TPO: variants seen among roughly 807,000 people sequenced by gnomAD.
TPO encodes the protein thyroid microsomal antigen.
A neutral mutation model predicts 96.9 loss-of-function variants in TPO; 78 were observed. That is an observed-to-expected ratio of 0.81 (90% CI 0.67 to 0.97). The LOEUF (loss-of-function observed/expected upper bound fraction) is 0.97, where lower values mean the gene tolerates loss of function less well. Ranked by LOEUF, TPO falls within the 50% of genes least tolerant of loss-of-function variation. TPO has a pLI of 0.00. For missense variants in TPO, 1,252 were observed against 1,274.8 expected (o/e 0.98, Z 0.27); for synonymous variants, 547 against 538.0 (o/e 1.02, Z -0.23).
intron 2 of TPO, among the ~76,000 whole-genome samples, chr2:1,420,562 C>T (rs1346874308): frequency 6.6e-6 from 1 of 152,128 alleles, no homozygotes; most frequent in Non-Finnish European, 1.5e-5. Context: ...TTGTGCGTTA[C>T]CTCCACAGCT....
At chr2:1,427,415 C>T (rs946629166) in intron 3 of TPO, among the ~76,000 whole-genome samples, 5 of 152,212 alleles carry the variant, frequency 3.3e-5, no homozygotes, top group Non-Finnish European at 7.3e-5. Context: ...GTGAGGGAGG[C>T]AGGCATTGTG....
At chr2:1,406,263 T>C (rs1662248809) in intron 1 of TPO, among the ~76,000 whole-genome samples, 1 of 152,260 alleles carries the variant, frequency 6.6e-6, no homozygotes, top group Non-Finnish European at 1.5e-5. Flanking sequence ...CATTCTAATG[T>C]GTATAGATGC....
chr2:1,503,656 A>G (rs1202232792), intron 13 of TPO: 3 of 573,374 alleles, frequency 5.2e-6, no homozygotes, highest in East Asian at 3.7e-5. Flanking sequence ...CCACATTCCC[A>G]GGCAGACCCT....
intron 5 of TPO, among the ~76,000 whole-genome samples, chr2:1,443,602 C>T (rs1452008312): frequency 5.2e-5 from 7 of 134,640 alleles, no homozygotes; most frequent in Non-Finnish European, 6.2e-5. Flanking sequence ...CCAGTCATTG[C>T]TGCAGGAGGT....
chr2:1,526,323 C>T (rs1316269844), intron 15 of TPO, among the ~76,000 whole-genome samples: 1 of 112,582 alleles, frequency 8.9e-6, no homozygotes, highest in East Asian at 2.9e-4. Context: ...TGAGCAAAAC[C>T]ACAAATCCCC....
chr2:1,463,810 C>A (rs1668656308), intron 7 of TPO, among the ~76,000 whole-genome samples: 1 of 152,220 alleles, frequency 6.6e-6, no homozygotes, highest in Non-Finnish European at 1.5e-5. Flanking sequence ...AACCTCAAAG[C>A]TATGCAAGCC....
intron 1 of TPO, among the ~76,000 whole-genome samples, chr2:1,392,123 G>T (rs1662010583): frequency 1.3e-5 from 2 of 152,084 alleles, no homozygotes; most frequent in Non-Finnish European, 2.9e-5. Context: ...TCCAATTTTT[G>T]CCCATTCAGT....
intron 1 of TPO, among the ~76,000 whole-genome samples, chr2:1,404,024 C>T (rs942325386): frequency 1.3e-5 from 2 of 152,194 alleles, no homozygotes. Flanking sequence ...TGCAATCTTG[C>T]GTGAACTTAT....
At chr2:1,428,837 G>A (rs1456347659) in intron 3 of TPO, among the ~76,000 whole-genome samples, 1 of 152,122 alleles carries the variant, frequency 6.6e-6, no homozygotes, top group Non-Finnish European at 1.5e-5. Context: ...GAGTCCTGGG[G>A]AACCTGCACA....
intron 15 of TPO, among the ~76,000 whole-genome samples, chr2:1,517,424 G>T (rs1459085436): frequency 6.6e-6 from 1 of 152,208 alleles, no homozygotes; most frequent in Non-Finnish European, 1.5e-5. Context: ...TGGCGCTGCT[G>T]TTGAAAGACT....
Position 1,484,706 on chromosome 2 carries a change from C to T in TPO, c.1449C>T (p.Asn483=), listed in dbSNP as rs1226050353. The T allele has an allele frequency of 1.1e-5, 18 of 1,614,168 alleles. No individual in the cohort carries two copies. The Admixed American group carries it at 2.2e-4, about 19-fold the overall frequency. Reference sequence around the variant, plus strand: ...CCACCGCCAACCCCACTGTGTCCAACGTGTTCTCCACAGCCGCCTTCCGCT... The same window carrying T: ...CCACCGCCAACCCCACTGTGTCCAATGTGTTCTCCACAGCCGCCTTCCGCT... The part of the protein sequence containing the change: ...YDSTANPTVS[N]VFSTAAFRFG... Residue 483 remains asparagine, a synonymous_variant, in exon 9 of 17, where the codon AAC becomes AAT. Coordinates refer to ENST00000329066, the MANE Select transcript of TPO (RefSeq NM_001206744.2).
At chr2:1,516,338 G>GCCCCCGTC (rs1397555925) in intron 14 of TPO, among the ~76,000 whole-genome samples, 1 of 152,144 alleles carries the variant, frequency 6.6e-6, no homozygotes, top group South Asian at 2.1e-4. Flanking sequence ...GCCATCCCGT[G>GCCCCCGTC]CCCCCGTCCC....
At chr2:1,485,138 A>G (rs1477470708) in intron 9 of TPO, among the ~76,000 whole-genome samples, 2 of 150,360 alleles carry the variant, frequency 1.3e-5, no homozygotes, top group East Asian at 4.0e-4. Flanking sequence ...CCCACCTATG[A>G]GTGAGAACAT....
At chr2:1,464,599 G>A (rs1264770853) in intron 7 of TPO, among the ~76,000 whole-genome samples, 3 of 152,078 alleles carry the variant, frequency 2.0e-5, no homozygotes, top group African/African-American at 7.2e-5. Context: ...GGCCATTCTT[G>A]CCAGAGTAAG....
chr2:1,391,335 G>A (rs1036990804), intron 1 of TPO, among the ~76,000 whole-genome samples: 2 of 152,012 alleles, frequency 1.3e-5, no homozygotes, highest in Non-Finnish European at 2.9e-5. Context: ...TCAGATGGTT[G>A]TGGATGTGTG....
At chr2:1,464,265 T>TA (rs1054042641) in intron 7 of TPO, among the ~76,000 whole-genome samples, 7 of 152,208 alleles carry the variant, frequency 4.6e-5, no homozygotes, top group East Asian at 1.9e-4. Flanking sequence ...CCATCGTATA[T>TA]AAAAAATCAC....
Position 1,456,173 on chromosome 2 carries a change from T to C in TPO, c.710T>C (p.Ile237Thr). Residue 237 changes from isoleucine to threonine, a missense_variant, in exon 7 of 17, where the codon ATC (isoleucine) becomes ACC (threonine). Coordinates refer to ENST00000329066, the MANE Select transcript of TPO (RefSeq NM_001206744.2). ...CTCCTGATGGCATGGGGACAATACA[T>C]CGACCACGACATCGCGTTCACACCA... The part of the protein sequence containing the change: ...SDLLMAWGQY[I>T]DHDIAFTPQS... 6.2e-7 allele frequency: 1 copy of C among 1,614,052 alleles called. No homozygotes were observed. The highest frequency in any genetic ancestry group is 1.1e-5 in the South Asian group (1 of 91,080).
In TPO at chr2:1,456,266, C is replaced by A. The variant is rs369414540; in HGVS notation, c.803C>A (p.Pro268Gln). Residue 268 changes from proline (P) to glutamine (Q), a missense_variant, in exon 7 of 17, where the codon CCA becomes CAA. Physicochemically the swap from Pro to Gln is moderately conservative, Grantham distance 76 (BLOSUM62 -1). Coordinates refer to ENST00000329066, the MANE Select transcript of TPO (RefSeq NM_001206744.2). ...DCQMTCENQNPCFPIQLPEEA... is the reference protein window; with the variant it reads ...DCQMTCENQNQCFPIQLPEEA... ...CAGATGACTTGTGAGAACCAAAACC[C>A]ATGTTTTCCCATACAAGTAAGTTTT... is the stretch of plus-strand genomic sequence containing the variant. 6.2e-6 allele frequency: 10 copies of A among 1,614,020 alleles called. No homozygotes were observed. The highest frequency in any genetic ancestry group is 1.6e-4 in the Middle Eastern group (1 of 6,084).
rs1663712494 is a variant in TPO, at chr2:1,422,337, C to CCTGGACAGACTTCGTGCAGGTGCCGCG, written c.95-702_95-701insAGACTTCGTGCAGGTGCCGCGCTGGAC. Reference sequence around the variant, plus strand: ...GGACAGACCTCGTGCAGGCGCCTCTCCTGGACCGACCTCGTGCAGGCGCCG... The same window carrying CCTGGACAGACTTCGTGCAGGTGCCGCG: ...GGACAGACCTCGTGCAGGCGCCTCTCCTGGACAGACTTCGTGCAGGTGCCGCGCTGGACCGACCTCGTGCAGGCGCCG... On this transcript the variant is annotated intron_variant, in intron 2 of 16. Transcript: ENST00000329066. 7.0e-4 allele frequency among the ~76,000 whole-genome samples: 58 copies of CCTGGACAGACTTCGTGCAGGTGCCGCG among 83,188 alleles called. 1 individual carries two copies. The highest frequency in any genetic ancestry group is 2.2e-3 in the Admixed American group (15 of 6,718). The allele number at this position is 83,188 out of a possible 152,430, so 54.6% of individuals were successfully genotyped here. A position where few individuals can be genotyped will look rare whatever the true frequency, so the allele number is the denominator to read the frequency against.
Sources: allele counts gnomAD v4.1 joint callset (sites outside exome capture counted in the v4.1 genomes callset), GRCh38; gene constraint gnomAD v4.1.1; transcripts MANE v1.5; gene names NCBI Gene and HGNC (gene_info 2026-07-23, HGNC 2026-07-21).